The following ERICH6 variants were observed in gnomAD, a reference collection of about 807,000 sequenced individuals.
The protein encoded by ERICH6 is glutamate-rich protein 6.
Under a neutral mutation model 71.0 loss-of-function variants are expected in ERICH6, and 71 were observed. The observed-to-expected ratio is 1.00, with a 90% CI of 0.83 to 1.22. The LOEUF is 1.22. Ranked by LOEUF, ERICH6 falls within the 50% of genes most tolerant of loss-of-function variation. ERICH6 has a pLI of 0.00. For missense variants in ERICH6, 808 were observed against 797.2 expected (o/e 1.01, Z -0.16); for synonymous variants, 262 against 278.4 (o/e 0.94, Z 0.59).
At chr3:150,686,480 T>C in intron 3 of ERICH6, 126 bp from the exon 4 acceptor site, 1 of 796,726 alleles carries the variant, frequency 1.3e-6, no homozygotes, top group Non-Finnish European at 2.0e-6. Context: ...TAATCTTTTG[T>C]CTCTTTTTCC....
intron 13 of ERICH6, among the ~76,000 whole-genome samples, chr3:150,663,679 T>C (rs939106443): frequency 1.3e-5 from 2 of 152,142 alleles, no homozygotes; most frequent in Admixed American, 1.3e-4. Flanking sequence ...GGTCTCACTA[T>C]GTTGCCCAAG....
chr3:150,698,925 G>T, intron 2 of ERICH6, 43 bp from the exon 3 acceptor site: 1 of 1,255,066 alleles, frequency 8.0e-7, no homozygotes, highest in Non-Finnish European at 1.2e-6. Flanking sequence ...CTATATAGTT[G>T]TTAGCAGGTC....
intron 6 of ERICH6, among the ~76,000 whole-genome samples, chr3:150,683,502 C>T (rs1298444936): frequency 2.0e-5 from 3 of 152,112 alleles, no homozygotes; most frequent in African/African-American, 4.8e-5. Flanking sequence ...TGGTGGCTCA[C>T]ACCTGTAATC....
chr3:150,702,216 TA>T, intron 1 of ERICH6, 38 bp from the exon 2 acceptor site: 1 of 1,322,396 alleles, frequency 7.6e-7, no homozygotes, highest in Non-Finnish European at 1.0e-6. Flanking sequence ...CTATTCCCTC[TA>T]AATCAAAAGG....
chr3:150,690,608 T>TC (rs775027584), intron 3 of ERICH6, among the ~76,000 whole-genome samples: 1 of 152,230 alleles, frequency 6.6e-6, no homozygotes, highest in Non-Finnish European at 1.5e-5. Context: ...AAGTGCTTTT[T>TC]CAAGTTTATG....
chr3:150,691,937 T>C (rs1053386953), intron 3 of ERICH6, among the ~76,000 whole-genome samples: 12 of 151,956 alleles, frequency 7.9e-5, no homozygotes, highest in Admixed American at 2.0e-4. Flanking sequence ...GGGCCAGAAA[T>C]TAAAACTATT....
chr3:150,659,996 A>G lies in ERICH6; in HGVS notation c.1888T>C (p.Tyr630His), dbSNP rs2108032109. The change falls in exon 14 of 14, where the codon TAC becomes CAC. Residue 630 changes from tyrosine (Y) to histidine (H), a missense_variant. Transcript: ENST00000295910. ...AGTTTTAGAGAAAGTGAAGAAAGGT[A>G]GGAAGGTTGCTTTAATTTTTCCCAA... ...QVWEKLKQPS[Y>H]LSSLSLKLIA... is the part of the protein sequence containing the mutation. 1 of 1,614,216 alleles carries G rather than the reference A, an allele frequency of 6.2e-7. No homozygotes were observed. The highest frequency in any genetic ancestry group is 1.3e-5 in the African/African-American group (1 of 75,064).
chr3:150,690,806 C>A (rs1156431918), intron 3 of ERICH6, among the ~76,000 whole-genome samples: 2 of 152,088 alleles, frequency 1.3e-5, no homozygotes, highest in Non-Finnish European at 2.9e-5. Context: ...ACTATAAACC[C>A]AGCCCAAGAC....
intron 3 of ERICH6, among the ~76,000 whole-genome samples, chr3:150,695,843 C>G (rs1175712919): frequency 6.6e-6 from 1 of 150,910 alleles, no homozygotes; most frequent in Non-Finnish European, 1.5e-5. Flanking sequence ...AAAAACAAGA[C>G]TTAATATTAA....
rs768798506 is a variant in ERICH6 at position 150,674,025 on chromosome 3, A to T, written c.1274T>A (p.Leu425His). ...IACGKVVRNELLEKHYKHGSK... is the reference protein window; with the variant it reads ...IACGKVVRNEHLEKHYKHGSK... ...CCCATGTTTGTAGTGCTTCTCTAAG[A>T]GCTCATTCCTGACAACCTATACACC... The change falls in exon 11 of 14, where the codon CTC (leucine) becomes CAC (histidine). Residue 425 changes from leucine (L) to histidine (H), a missense_variant. By Grantham distance (99) the Leu-to-His change is moderately conservative. This residue lies in a region of ERICH6 where 736 missense variants were observed against 712.2 expected (regional missense o/e 1.03). Coordinates refer to ENST00000295910, the MANE Select transcript of ERICH6 (RefSeq NM_152394.5). 6 of 1,614,032 alleles carry T rather than the reference A, an allele frequency of 3.7e-6. No homozygotes were observed. The South Asian group carries it at 6.6e-5, about 18-fold the overall frequency.
In ERICH6 at chr3:150,703,914, G is replaced by C; in HGVS notation, c.-16C>G. On this transcript the variant is annotated 5_prime_UTR_variant, in exon 1 of 14. Transcript: ENST00000295910. ...AGTGGGCCATGGCTGGCGGGAGGCG[G>C]GATTACAGCCAGCTCTTTGGCCGCG... The C allele has an allele frequency of 6.2e-7, 1 of 1,612,128 alleles. No individual in the cohort carries two copies. Among genetic ancestry groups the C allele is most frequent in the South Asian group, 1.1e-5 (1 of 90,736 alleles).
chr3:150,696,944 C>G (rs1576562985), intron 3 of ERICH6, among the ~76,000 whole-genome samples: 1 of 152,080 alleles, frequency 6.6e-6, no homozygotes, highest in African/African-American at 2.4e-5. Context: ...GGTGTGTACA[C>G]AAAGAGGAGG....
At chr3:150,662,766 GA>G (rs1220207195) in intron 13 of ERICH6, among the ~76,000 whole-genome samples, 2 of 151,692 alleles carry the variant, frequency 1.3e-5, no homozygotes, top group Non-Finnish European at 2.9e-5. Context: ...GAGTGCTAGG[GA>G]GAAGGTGGGG....
At chr3:150,680,646 T>C in intron 8 of ERICH6, 108 bp from the exon 9 acceptor site, 3 of 1,559,450 alleles carry the variant, frequency 1.9e-6, no homozygotes, top group Non-Finnish European at 2.6e-6. Context: ...GTTTGATCTG[T>C]TATTACTTGT....
intron 10 of ERICH6, among the ~76,000 whole-genome samples, chr3:150,677,450 T>C (rs1349697835): frequency 6.6e-6 from 1 of 152,060 alleles, no homozygotes; most frequent in African/African-American, 2.4e-5. Flanking sequence ...TGATAAATTA[T>C]ATAGCTATGA....
chr3:150,678,609 C>G (rs1444473167), intron 9 of ERICH6, 55 bp from the exon 10 acceptor site: 9 of 1,410,816 alleles, frequency 6.4e-6, no homozygotes, highest in Non-Finnish European at 8.5e-6. Context: ...TTTCTAAAGC[C>G]TCTTTTCTAA....
At chr3:150,665,279 T>G (rs1281884283) in intron 13 of ERICH6, among the ~76,000 whole-genome samples, 3 of 152,116 alleles carry the variant, frequency 2.0e-5, no homozygotes, top group East Asian at 1.9e-4. Context: ...TTCCTTCCTG[T>G]GTTGAATATT....
At chr3:150,678,658 TAA>T (rs1711758445) in intron 9 of ERICH6, 104 bp from the exon 10 acceptor site, 1 of 869,398 alleles carries the variant, frequency 1.2e-6, no homozygotes. Flanking sequence ...CACTGATTCA[TAA>T]GACATTTTTA....
chr3:150,692,960 G>A (rs1316119116), intron 3 of ERICH6, among the ~76,000 whole-genome samples: 1 of 152,058 alleles, frequency 6.6e-6, no homozygotes, highest in East Asian at 1.9e-4. Flanking sequence ...AGAATATCAA[G>A]CAGAACAGGA....
Sources: allele counts gnomAD v4.1 joint callset (sites outside exome capture counted in the v4.1 genomes callset), GRCh38; gene constraint gnomAD v4.1.1; regional missense constraint gnomAD v4.1.1; transcripts MANE v1.5; gene names NCBI Gene and HGNC (gene_info 2026-07-23, HGNC 2026-07-21).